The following SPAST variants were observed in gnomAD, a reference collection of about 807,000 sequenced individuals.
SPAST encodes the protein spastic paraplegia 4 (autosomal dominant; spastin).
In SPAST, 30 loss-of-function variants were observed where a neutral mutation model predicts 76.6. That is an observed-to-expected ratio of 0.39 (90% CI 0.29 to 0.53). SPAST has a LOEUF of 0.53. Among genes scored for constraint, SPAST ranks in the 20% least tolerant of loss-of-function variants. The pLI is 0.68. For missense variants in SPAST, 717 were observed against 770.5 expected (o/e 0.93, Z 0.82); for synonymous variants, 305 against 281.0 (o/e 1.09, Z -0.86).
At chr2:32,069,770 A>T (rs1231562327) in intron 1 of SPAST, among the ~76,000 whole-genome samples, 1 of 151,980 alleles carries the variant, frequency 6.6e-6, no homozygotes, top group African/African-American at 2.4e-5. Flanking sequence ...CGTGTTAGCC[A>T]GTACGGTCTC....
intron 1 of SPAST, among the ~76,000 whole-genome samples, chr2:32,075,820 C>T (rs1676937462): frequency 7.3e-6 from 1 of 136,692 alleles, no homozygotes; most frequent in African/African-American, 2.7e-5. Flanking sequence ...TCCCAAAGTG[C>T]TGGGATTACA....
chr2:32,084,887 C>CAAAAAAAA (rs34046587), intron 1 of SPAST, among the ~76,000 whole-genome samples: 1 of 81,570 alleles, frequency 1.2e-5, no homozygotes, highest in Non-Finnish European at 2.3e-5. Flanking sequence ...GACTCCGTCT[C>CAAAAAAAA]AAAAAAAAAA....
intron 4 of SPAST, among the ~76,000 whole-genome samples, chr2:32,103,460 A>G (rs1053502929): frequency 2.0e-5 from 3 of 151,772 alleles, no homozygotes; most frequent in Admixed American, 6.6e-5. Context: ...TTGTGTCTCT[A>G]TCTCCTTCAT....
chr2:32,070,887 C>G (rs1676723126), intron 1 of SPAST, among the ~76,000 whole-genome samples: 1 of 152,128 alleles, frequency 6.6e-6, no homozygotes, highest in Admixed American at 6.6e-5. Flanking sequence ...AGACTGAAAA[C>G]CTGTGATAGC....
In SPAST at chr2:32,156,888, A is replaced by G. The variant is rs1328252338; in HGVS notation, c.*2392A>G. On this transcript the variant is annotated 3_prime_UTR_variant, in exon 17 of 17. Transcript: ENST00000315285. ...TTACTGTATAGAAGTTGCTTTCCTG[A>G]TCAAGTCTGAACTTCAGCTAGTGCT... 6.6e-6 allele frequency: 1 copy of G among 152,220 alleles called. No individual in the cohort carries two copies. Among genetic ancestry groups the G allele is most frequent in the Non-Finnish European group, 1.5e-5 (1 of 68,026 alleles). The allele number at this position is 152,220 out of a possible 1,614,324, so 9.4% of individuals were successfully genotyped here. A position where few individuals can be genotyped will look rare whatever the true frequency, so the allele number is the denominator to read the frequency against.
At chr2:32,107,987 C>T (rs1333648973) in intron 4 of SPAST, among the ~76,000 whole-genome samples, 1 of 151,926 alleles carries the variant, frequency 6.6e-6, no homozygotes, top group Non-Finnish European at 1.5e-5. Flanking sequence ...ATACATTGTC[C>T]AATTTTCTAC....
At chr2:32,111,757 C>G (rs1678617387) in intron 4 of SPAST, among the ~76,000 whole-genome samples, 1 of 151,210 alleles carries the variant, frequency 6.6e-6, no homozygotes, top group South Asian at 2.1e-4. Flanking sequence ...TTTCCAGTGT[C>G]TGAAATACCC....
chr2:32,109,587 C>CTT (rs997443919), intron 4 of SPAST, among the ~76,000 whole-genome samples: 2 of 146,470 alleles, frequency 1.4e-5, no homozygotes, highest in Non-Finnish European at 3.0e-5. Context: ...ATAATGATTC[C>CTT]TTTTTTTTTT....
intron 7 of SPAST, among the ~76,000 whole-genome samples, chr2:32,124,582 A>C (rs1237546370): frequency 6.6e-6 from 1 of 152,244 alleles, no homozygotes; most frequent in African/African-American, 2.4e-5. Flanking sequence ...CAATAAAAAA[A>C]ACTGCACATG....
chr2:32,146,364 G>C (rs1422793509), intron 15 of SPAST, among the ~76,000 whole-genome samples: 1 of 151,542 alleles, frequency 6.6e-6, no homozygotes, highest in African/African-American at 2.4e-5. Context: ...TTTGAGACTA[G>C]ACTGGGCAAC....
intron 8 of SPAST, chr2:32,127,462 A>T (rs1409203855): frequency 5.5e-6 from 1 of 181,136 alleles, no homozygotes; most frequent in African/African-American, 2.4e-5. Flanking sequence ...GTAGAAGTAG[A>T]TGGAAAACCA....
intron 9 of SPAST, among the ~76,000 whole-genome samples, chr2:32,135,415 C>T (rs965843807): frequency 8.5e-5 from 13 of 152,088 alleles, no homozygotes; most frequent in African/African-American, 1.9e-4. Context: ...AGGTCTGAGC[C>T]GCCGCGCCCG....
intron 4 of SPAST, among the ~76,000 whole-genome samples, chr2:32,112,568 A>G (rs905789160): frequency 4.6e-5 from 7 of 152,074 alleles, no homozygotes; most frequent in Non-Finnish European, 1.0e-4. Context: ...GGCTTGTCTC[A>G]AACTCCTGAC....
chr2:32,087,952 C>T (rs756937552), intron 2 of SPAST, among the ~76,000 whole-genome samples: 11 of 151,718 alleles, frequency 7.3e-5, no homozygotes, highest in African/African-American at 1.7e-4. Flanking sequence ...GGTGCAATCT[C>T]GGCTCACTGC....
chr2:32,098,522 G>A (rs1678003315), intron 3 of SPAST, among the ~76,000 whole-genome samples: 1 of 152,170 alleles, frequency 6.6e-6, no homozygotes, highest in Admixed American at 6.5e-5. Context: ...ATTTTCTGGT[G>A]ATGATAGTGA....
chr2:32,111,897 T>C (rs1400560913), intron 4 of SPAST, among the ~76,000 whole-genome samples: 1 of 150,684 alleles, frequency 6.6e-6, no homozygotes, highest in African/African-American at 2.4e-5. Flanking sequence ...GAAATGTCTA[T>C]ATATAAAGTC....
In SPAST at chr2:32,148,375, CAG is replaced by C. The variant is rs1679962666; in HGVS notation, c.1728+1119_1728+1120del. Among the ~76,000 whole-genome samples the C allele has an allele frequency of 3.9e-5, 6 of 151,990 alleles. No individual in the cohort carries two copies. In the South Asian group the frequency reaches 1.2e-3, roughly 31 times the overall value. On this transcript the variant is annotated intron_variant, in intron 16 of 16. Coordinates refer to ENST00000315285, the MANE Select transcript of SPAST (RefSeq NM_014946.4). Reference sequence around the variant, plus strand: ...CAAATCATATTACATAAATACCAAACAGAAGAAAATTACAGGCCGGGTGCGGT... The same window carrying C: ...CAAATCATATTACATAAATACCAAACAAGAAAATTACAGGCCGGGTGCGGT...
intron 10 of SPAST, 57 bp from the exon 11 acceptor site, chr2:32,136,820 C>T: frequency 7.2e-7 from 1 of 1,381,460 alleles, no homozygotes; most frequent in Non-Finnish European, 1.0e-6. Context: ...AGATTAATCT[C>T]AGATGACTCA....
chr2:32,070,730 A>G (rs960630024), intron 1 of SPAST, among the ~76,000 whole-genome samples: 3 of 152,278 alleles, frequency 2.0e-5, no homozygotes, highest in East Asian at 1.9e-4. Flanking sequence ...CGCAGGCTCA[A>G]TCGATCCACC....
Sources: allele counts gnomAD v4.1 joint callset (sites outside exome capture counted in the v4.1 genomes callset), GRCh38; gene constraint gnomAD v4.1.1; transcripts MANE v1.5; gene names NCBI Gene and HGNC (gene_info 2026-07-23, HGNC 2026-07-21).